The following CALB1 variants were observed in gnomAD, a reference collection of about 807,000 sequenced individuals.
The protein encoded by CALB1 is calbindin.
Under a neutral mutation model 46.7 loss-of-function variants are expected in CALB1, and 16 were observed. That is an observed-to-expected ratio of 0.34 (90% CI 0.23 to 0.52). The LOEUF (loss-of-function observed/expected upper bound fraction) is 0.52, where lower values mean the gene tolerates loss of function less well. CALB1 is among the 20% of genes least tolerant of loss of function. The probability of loss-of-function intolerance (pLI) is 0.95; values close to 1 mark genes in which losing one functional copy is unlikely to be tolerated. For synonymous variants in CALB1, 90 were observed against 112.8 expected (o/e 0.80, Z 1.28); for missense variants, 224 against 300.3 (o/e 0.75, Z 1.88).
At position 90,078,716 on chromosome 8, in the gene CALB1, G is replaced by C. The variant is rs969097822; in HGVS notation, c.157-269C>G. Among the ~76,000 whole-genome samples, 4 of 151,948 alleles carry C rather than the reference G, an allele frequency of 2.6e-5. No individual in the cohort carries two copies. The East Asian group carries it at 7.7e-4, about 29-fold the overall frequency. On this transcript the variant is annotated intron_variant, in intron 2 of 10. Coordinates refer to ENST00000265431, the MANE Select transcript of CALB1 (RefSeq NM_004929.4). ...TGAGACTATGCTATCCTTTGAAAGT[G>C]TAGTCAGAATCATTCCATTCATAAC...
intron 2 of CALB1, among the ~76,000 whole-genome samples, chr8:90,079,101 A>G (rs1814673921): frequency 6.6e-6 from 1 of 151,986 alleles, no homozygotes. Flanking sequence ...AACATAGCCC[A>G]TTTAAAATAG....
intron 3 of CALB1, among the ~76,000 whole-genome samples, chr8:90,078,122 A>T (rs564610826): frequency 2.6e-5 from 4 of 152,196 alleles, no homozygotes; most frequent in South Asian, 4.1e-4. Context: ...ACCAGAGGCA[A>T]ACAATTTTGT....
At chr8:90,071,866 C>G (rs932160881) in intron 3 of CALB1, among the ~76,000 whole-genome samples, 1 of 152,136 alleles carries the variant, frequency 6.6e-6, no homozygotes, top group African/African-American at 2.4e-5. Context: ...ATACTTCTTA[C>G]AATTTTTGCG....
chr8:90,059,586 A>T lies in CALB1; in HGVS notation c.*587T>A, dbSNP rs1265805031. The T allele has an allele frequency of 6.6e-6, 1 of 152,158 alleles. No individual in the cohort carries two copies. The highest frequency in any genetic ancestry group is 1.5e-5 in the Non-Finnish European group (1 of 68,058). 9.4% of individuals were successfully genotyped at this position (152,158 alleles called of 1,614,324 possible). A position where few individuals can be genotyped will look rare whatever the true frequency, so the allele number is the denominator to read the frequency against. On this transcript the variant is annotated 3_prime_UTR_variant, in exon 11 of 11. Coordinates refer to ENST00000265431, the MANE Select transcript of CALB1 (RefSeq NM_004929.4). ...TCCCTTGTCACATCAACTTGAACCG[A>T]TAGTTTTGTATGGATCCAAGCAGTA... is the stretch of plus-strand genomic sequence containing the variant.
chr8:90,066,092 G>A, intron 5 of CALB1, 117 bp from the exon 6 acceptor site: 1 of 688,582 alleles, frequency 1.5e-6, no homozygotes, highest in South Asian at 1.6e-5. Flanking sequence ...CTTTTGAGGG[G>A]TAGAAGCAGG....
chr8:90,065,825 G>A, intron 6 of CALB1, 73 bp downstream of exon 6: 2 of 915,766 alleles, frequency 2.2e-6, no homozygotes, highest in Non-Finnish European at 3.6e-6. Context: ...ATCCTGTGTA[G>A]CCTTGGGAGT....
At chr8:90,062,905 G>A (rs1329373600) in intron 9 of CALB1, 195 bp downstream of exon 9, 1 of 487,790 alleles carries the variant, frequency 2.1e-6, no homozygotes, top group Non-Finnish European at 3.6e-6. Context: ...AGGGCTGGGG[G>A]AAGGAGAAAT....
Position 90,075,973 on chromosome 8 carries a change from C to T in CALB1, c.231+2400G>A, listed in dbSNP as rs143313890. ...CAAATGGGACCTTGGATACATCATT[C>T]GACCTTTTCGGGCTTCAGTTTCTTC... On this transcript the variant is annotated intron_variant, in intron 3 of 10. Transcript: ENST00000265431. 2.7e-4 allele frequency among the ~76,000 whole-genome samples: 41 copies of T among 152,140 alleles called. 1 individual carries two copies. Among genetic ancestry groups the T allele is most frequent in the Non-Finnish European group, 5.0e-4 (34 of 67,930 alleles).
chr8:90,063,012 T>G (rs1321075353), intron 9 of CALB1, 88 bp downstream of exon 9: 1 of 867,692 alleles, frequency 1.2e-6, no homozygotes, highest in African/African-American at 1.7e-5. Context: ...TTTGCAGTAC[T>G]GTATTTTATA....
intron 3 of CALB1, among the ~76,000 whole-genome samples, chr8:90,075,306 G>A (rs139871747): frequency 2.9e-4 from 44 of 152,250 alleles, no homozygotes; most frequent in African/African-American, 1.0e-3. Context: ...CATCAGGGAC[G>A]CAGACCACTG....
At chr8:90,065,269 A>G (rs1471235422) in intron 6 of CALB1, among the ~76,000 whole-genome samples, 1 of 151,650 alleles carries the variant, frequency 6.6e-6, no homozygotes, top group Non-Finnish European at 1.5e-5. Flanking sequence ...CTATGTGTAA[A>G]GCAGTTTTCT....
chr8:90,069,700 AG>A (rs1458628546), intron 3 of CALB1, among the ~76,000 whole-genome samples: 2 of 152,178 alleles, frequency 1.3e-5, no homozygotes, highest in African/African-American at 2.4e-5. Flanking sequence ...AGGGGAGTGA[AG>A]GGGGAAAATG....
At chr8:90,081,044 T>C (rs1406742713) in intron 2 of CALB1, among the ~76,000 whole-genome samples, 4 of 152,104 alleles carry the variant, frequency 2.6e-5, no homozygotes, top group Non-Finnish European at 5.9e-5. Context: ...AATAGAGTAG[T>C]ACAATTTTTA....
chr8:90,063,503 A>G, intron 6 of CALB1, 42 bp from the exon 7 acceptor site: 19 of 1,509,622 alleles, frequency 1.3e-5, no homozygotes, highest in Non-Finnish European at 1.7e-5. Flanking sequence ...TTGAGGAATA[A>G]TTTATTGCAT....
At chr8:90,076,367 C>G (rs934457544) in intron 3 of CALB1, among the ~76,000 whole-genome samples, 4 of 151,924 alleles carry the variant, frequency 2.6e-5, no homozygotes, top group African/African-American at 9.7e-5. Context: ...TCTGACTGTT[C>G]TACCATTTAT....
chr8:90,068,015 C>A (rs1814431811), intron 5 of CALB1, among the ~76,000 whole-genome samples: 3 of 152,136 alleles, frequency 2.0e-5, no homozygotes, highest in African/African-American at 7.2e-5. Flanking sequence ...ATTTTAGTCA[C>A]TCTATGTTCT....
intron 5 of CALB1, among the ~76,000 whole-genome samples, chr8:90,066,579 A>C (rs960267223): frequency 6.6e-6 from 1 of 152,036 alleles, no homozygotes; most frequent in African/African-American, 2.4e-5. Flanking sequence ...TAAATTAACA[A>C]AATTGGCCAC....
chr8:90,060,373 A>T, intron 10 of CALB1, 87 bp from the exon 11 acceptor site: 1 of 827,910 alleles, frequency 1.2e-6, no homozygotes, highest in Non-Finnish European at 2.1e-6. Context: ...AGATGAAACT[A>T]CTTGTTACAT....
At chr8:90,070,034 C>T (rs1025617830) in intron 3 of CALB1, among the ~76,000 whole-genome samples, 3 of 150,004 alleles carry the variant, frequency 2.0e-5, no homozygotes, top group Non-Finnish European at 4.4e-5. Flanking sequence ...TAATCTATTG[C>T]GTACAGAGAA....
Sources: gnomAD v4.1 joint callset for allele counts (sites outside exome capture counted in the v4.1 genomes callset) on GRCh38, gnomAD v4.1.1 for gene constraint, MANE v1.5 for transcripts, NCBI Gene and HGNC (gene_info 2026-07-23, HGNC 2026-07-21) for gene names.